PI4K2A: variants seen among roughly 807,000 people sequenced by gnomAD.
PI4K2A encodes the protein phosphatidylinositol 4-kinase type 2-alpha.
A neutral mutation model predicts 55.0 loss-of-function variants in PI4K2A; 20 were observed. The ratio of observed to expected loss-of-function variants is 0.36; its 90% CI spans 0.26 to 0.53. The LOEUF (loss-of-function observed/expected upper bound fraction) is 0.53. Ranked by LOEUF, PI4K2A falls within the 20% of genes least tolerant of loss-of-function variation. PI4K2A has a pLI of 0.91. For missense variants in PI4K2A, 463 were observed against 637.1 expected (o/e 0.73, Z 2.94); for synonymous variants, 235 against 258.5 (o/e 0.91, Z 0.87).
At chr10:97,641,833 T>C (rs968829457) in intron 1 of PI4K2A, among the ~76,000 whole-genome samples, 2 of 152,206 alleles carry the variant, frequency 1.3e-5, no homozygotes, top group African/African-American at 4.8e-5. Flanking sequence ...GGCCATCAGC[T>C]ACTTTTTCTT....
At chr10:97,642,402 T>TC (rs2041474521) in intron 1 of PI4K2A, among the ~76,000 whole-genome samples, 1 of 150,832 alleles carries the variant, frequency 6.6e-6, no homozygotes, top group African/African-American at 2.4e-5. Context: ...TTTTTCTTTT[T>TC]TTTTTTCTTT....
At position 97,642,424 on chromosome 10, in the gene PI4K2A, CAG is replaced by C. The variant is rs1233057283; in HGVS notation, c.435+1250_435+1251del. On this transcript the variant is annotated intron_variant, in intron 1 of 8. Transcript: ENST00000370631. ...TTTTTTTTTTCTTTTTTTTTTGAGA[CAG>C]AGTCTTGCTCTGTCGCCAGGCTGGA... Among the ~76,000 whole-genome samples the C allele has an allele frequency of 2.7e-5, 4 of 147,222 alleles. No homozygotes were observed. The East Asian group carries it at 8.0e-4, about 30-fold the overall frequency.
intron 1 of PI4K2A, among the ~76,000 whole-genome samples, chr10:97,642,880 TCTTTCTTCCTTCCTTCCTTCCTTCCTTC>T (rs2041483401): frequency 1.7e-5 from 2 of 116,060 alleles, no homozygotes; most frequent in Non-Finnish European, 3.6e-5. Flanking sequence ...TTTCTTTCTT[TCTTTCTTCCTTCCTTCCTTCCTTCCTTC>T]CTTCCTTCCT....
At chr10:97,665,605 T>C (rs1196000812) in intron 6 of PI4K2A, among the ~76,000 whole-genome samples, 2 of 150,224 alleles carry the variant, frequency 1.3e-5, no homozygotes, top group Non-Finnish European at 3.0e-5. Context: ...TATTTATTTT[T>C]TTTTTGAGAC....
At chr10:97,673,091 A>G (rs957338028) in intron 8 of PI4K2A, among the ~76,000 whole-genome samples, 2 of 151,746 alleles carry the variant, frequency 1.3e-5, no homozygotes, top group Non-Finnish European at 1.5e-5. Context: ...GGTTCGAGCA[A>G]TTCTCCTGCC....
intron 8 of PI4K2A, among the ~76,000 whole-genome samples, chr10:97,672,979 T>G (rs1319850413): frequency 2.7e-5 from 4 of 146,030 alleles, no homozygotes; most frequent in Admixed American, 6.8e-5. Flanking sequence ...TTTTTTGTGT[T>G]TTTTTTTTTT....
intron 2 of PI4K2A, among the ~76,000 whole-genome samples, chr10:97,653,254 C>G (rs894068260): frequency 2.6e-5 from 4 of 152,178 alleles, no homozygotes. Context: ...GTGTGGTGCC[C>G]AAGAATCAGA....
chr10:97,663,023 AAC>A, intron 5 of PI4K2A, 55 bp downstream of exon 5: 2 of 1,169,370 alleles, frequency 1.7e-6, no homozygotes, highest in South Asian at 2.4e-5. Flanking sequence ...ATAATATAGA[AAC>A]ACATAAAATG....
At chr10:97,665,276 G>C (rs915745325) in intron 6 of PI4K2A, among the ~76,000 whole-genome samples, 1 of 152,006 alleles carries the variant, frequency 6.6e-6, no homozygotes, top group Non-Finnish European at 1.5e-5. Flanking sequence ...TTCTTTCTGA[G>C]GACTTTTTTT....
chr10:97,656,736 C>A lies in PI4K2A; in HGVS notation c.769-85C>A. On this transcript the variant is annotated intron_variant, in intron 3 of 8. Coordinates refer to ENST00000370631, the Ensembl canonical transcript of PI4K2A. The surrounding 1 kb of genome is among the most constrained non-coding windows in gnomAD (Gnocchi z 4.5). ...CTTCTCTGATACAAACTCCATAGGG[C>A]CTTAATGGGTATCTGGCATATACTC... 8.2e-7 allele frequency: 1 copy of A among 1,218,218 alleles called. No homozygotes were observed. Among genetic ancestry groups the A allele is most frequent in the Non-Finnish European group, 1.2e-6 (1 of 835,874 alleles). The allele number at this position is 1,218,218 out of a possible 1,614,324, so 75.5% of individuals were successfully genotyped here.
chr10:97,649,609 A>ATTTTTTTTTTTTTTTTTTTT lies in PI4K2A; in HGVS notation c.436-1320_436-1301dup, dbSNP rs60329004. On this transcript the variant is annotated intron_variant, in intron 1 of 8. Transcript: ENST00000370631. ...TTTCCTTAACCTCATTCCATAATAG[A>ATTTTTTTTTTTTTTTTTTTT]TTTTTTTTTTTTTTTTTTTTTTTTT... Among the ~76,000 whole-genome samples, 4 of 70,502 alleles carry ATTTTTTTTTTTTTTTTTTTT rather than the reference A, an allele frequency of 5.7e-5. 2 individuals carry two copies. The highest frequency in any genetic ancestry group is 1.2e-4 in the Non-Finnish European group (4 of 32,346). The allele number at this position is 70,502 out of a possible 152,430, so 46.3% of individuals were successfully genotyped here. A position where few individuals can be genotyped will look rare whatever the true frequency, so the allele number is the denominator to read the frequency against.
chr10:97,642,819 C>CT (rs1457883524), intron 1 of PI4K2A, among the ~76,000 whole-genome samples: 2 of 3,450 alleles, frequency 5.8e-4, no homozygotes, highest in African/African-American at 9.1e-4. Flanking sequence ...TCCTTCCTTC[C>CT]TTCCTTCCTT....
chr10:97,653,743 C>T (rs1466771317), intron 2 of PI4K2A, among the ~76,000 whole-genome samples: 1 of 152,182 alleles, frequency 6.6e-6, no homozygotes, highest in Admixed American at 6.5e-5. Context: ...AGGGTGAAAC[C>T]CTGTCTCTAC....
At chr10:97,640,993 T>C (rs1489684686) in exon 1 of PI4K2A, 1 of 1,540,974 alleles carries the variant, frequency 6.5e-7, no homozygotes. Flanking sequence ...GCCCAGGCTC[T>C]GGCCGCTCAG....
intron 2 of PI4K2A, among the ~76,000 whole-genome samples, chr10:97,653,884 T>C (rs1038805276): frequency 3.3e-5 from 5 of 151,788 alleles, no homozygotes; most frequent in African/African-American, 1.2e-4. Flanking sequence ...GCCACCACAC[T>C]CTATCCTGGG....
At chr10:97,652,115 AGTAAATAACTCTT>A (rs2041532488) in intron 2 of PI4K2A, among the ~76,000 whole-genome samples, 1 of 152,156 alleles carries the variant, frequency 6.6e-6, no homozygotes. Flanking sequence ...TTAGTTATTT[AGTAAATAACTCTT>A]TGAGAATCTG....
At chr10:97,651,823 GT>G (rs796399811) in intron 2 of PI4K2A, among the ~76,000 whole-genome samples, 10 of 151,538 alleles carry the variant, frequency 6.6e-5, no homozygotes, top group African/African-American at 2.4e-4. Flanking sequence ...ATTTGAGGGA[GT>G]TTACTGACAC....
intron 2 of PI4K2A, among the ~76,000 whole-genome samples, chr10:97,654,434 A>G (rs777716857): frequency 9.9e-5 from 15 of 152,258 alleles, no homozygotes; most frequent in African/African-American, 3.4e-4. Context: ...GCATGGAGCG[A>G]TAGATGAGAG....
At chr10:97,674,674 T>A (rs1012109915) in exon 9 of PI4K2A, 2 of 152,210 alleles carry the variant, frequency 1.3e-5, no homozygotes, top group Non-Finnish European at 2.9e-5. Flanking sequence ...CCCCCAACTC[T>A]TTTGATGTAA....
Sources: gnomAD v4.1 joint callset for allele counts (sites outside exome capture counted in the v4.1 genomes callset) on GRCh38, gnomAD v4.1.1 for gene constraint, Gnocchi (gnomAD v3.1) non-coding constraint, MANE v1.5 for transcripts, NCBI Gene and HGNC (gene_info 2026-07-23, HGNC 2026-07-21) for gene names.